The following CPQ variants were observed in gnomAD, a reference collection of about 807,000 sequenced individuals.
The protein encoded by CPQ is carboxypeptidase Q.
In CPQ, 37 loss-of-function variants were observed where a neutral mutation model predicts 45.7. The observed-to-expected ratio is 0.81, with a 90% CI of 0.62 to 1.07. CPQ has a LOEUF of 1.07. Ranked by LOEUF, CPQ falls within the 50% of genes least tolerant of loss-of-function variation. The probability of loss-of-function intolerance (pLI) is 0.00; values close to 1 mark genes in which losing one functional copy is unlikely to be tolerated. For missense variants in CPQ, 537 were observed against 572.9 expected (o/e 0.94, Z 0.64); for synonymous variants, 186 against 205.8 (o/e 0.90, Z 0.82).
chr8:96,726,707 C>A (rs1385151782), intron 1 of CPQ, among the ~76,000 whole-genome samples: 1 of 152,092 alleles, frequency 6.6e-6, no homozygotes, highest in Non-Finnish European at 1.5e-5. Context: ...CCAACAATAG[C>A]GATTACAACT....
intron 1 of CPQ, among the ~76,000 whole-genome samples, chr8:96,675,570 G>A (rs1809067388): frequency 6.6e-6 from 1 of 152,008 alleles, no homozygotes; most frequent in Non-Finnish European, 1.5e-5. Context: ...TGTATCTGCA[G>A]GATAATTTCT....
intron 5 of CPQ, among the ~76,000 whole-genome samples, chr8:96,994,552 T>C (rs1809146559): frequency 6.6e-6 from 1 of 152,118 alleles, no homozygotes; most frequent in Admixed American, 6.6e-5. Context: ...ATTTAAACCA[T>C]AACCCTGCTG....
At chr8:96,838,734 G>A (rs776864902) in intron 3 of CPQ, among the ~76,000 whole-genome samples, 2 of 151,922 alleles carry the variant, frequency 1.3e-5, no homozygotes, top group Admixed American at 6.6e-5. Context: ...AAATGTCTAC[G>A]GAAGGAATGA....
intron 5 of CPQ, among the ~76,000 whole-genome samples, chr8:96,978,078 A>G (rs952940396): frequency 1.3e-5 from 2 of 152,078 alleles, no homozygotes; most frequent in East Asian, 3.9e-4. Context: ...CTTTTTCTTT[A>G]GAGATGATCT....
Position 97,125,417 on chromosome 8 carries a change from A to G in CPQ, c.1256-17603A>G, listed in dbSNP as rs545687749. On this transcript the variant is annotated intron_variant, in intron 7 of 7. Transcript: ENST00000220763. ...AGGCGTGTATGACACTGATATCAAA[A>G]CCAAAGATATGGTAAGAAAACTATA... Among the ~76,000 whole-genome samples, 15 of 152,304 alleles carry G rather than the reference A, an allele frequency of 9.8e-5. No individual in the cohort carries two copies. The South Asian group carries it at 2.7e-3, about 27-fold the overall frequency.
At chr8:96,646,459 AGTT>A (rs1401795581) in intron 1 of CPQ, among the ~76,000 whole-genome samples, 1 of 152,150 alleles carries the variant, frequency 6.6e-6, no homozygotes, top group African/African-American at 2.4e-5. Flanking sequence ...TTGAATTCAG[AGTT>A]GTTAAGAATC....
intron 4 of CPQ, among the ~76,000 whole-genome samples, chr8:96,881,762 G>T (rs914614132): frequency 6.6e-6 from 1 of 152,220 alleles, no homozygotes; most frequent in Admixed American, 6.5e-5. Context: ...TGGTATGCAA[G>T]TAATTAACAG....
intron 4 of CPQ, among the ~76,000 whole-genome samples, chr8:96,909,370 T>C (rs1812625181): frequency 6.6e-6 from 1 of 152,106 alleles, no homozygotes; most frequent in Non-Finnish European, 1.5e-5. Context: ...GGAAATAAAA[T>C]GGAGTTAGAG....
At chr8:97,022,889 A>G (rs1586499430) in intron 5 of CPQ, among the ~76,000 whole-genome samples, 1 of 151,038 alleles carries the variant, frequency 6.6e-6, no homozygotes, top group South Asian at 2.1e-4. Context: ...CTACGTACCC[A>G]GTGGAAAAGA....
chr8:96,929,660 A>G (rs1378854765), intron 4 of CPQ, among the ~76,000 whole-genome samples: 2 of 152,166 alleles, frequency 1.3e-5, no homozygotes, highest in East Asian at 1.9e-4. Context: ...TTCTATGTCT[A>G]TCTTTACACT....
intron 5 of CPQ, among the ~76,000 whole-genome samples, chr8:97,009,271 C>T (rs1228655102): frequency 6.6e-6 from 1 of 152,202 alleles, no homozygotes; most frequent in Non-Finnish European, 1.5e-5. Flanking sequence ...AGAGCCAGGC[C>T]AGACTGACAC....
chr8:96,752,297 G>C (rs1810272842), intron 1 of CPQ, among the ~76,000 whole-genome samples: 1 of 152,064 alleles, frequency 6.6e-6, no homozygotes, highest in Admixed American at 6.6e-5. Context: ...TGTCCTCTCT[G>C]ATTTATTTGA....
At chr8:96,725,590 C>A (rs1383321127) in intron 1 of CPQ, among the ~76,000 whole-genome samples, 2 of 152,066 alleles carry the variant, frequency 1.3e-5, no homozygotes, top group African/African-American at 4.8e-5. Context: ...ATAACAGATG[C>A]TGGTGAGGCT....
At chr8:96,834,280 G>A (rs949627875) in intron 2 of CPQ, among the ~76,000 whole-genome samples, 3 of 152,178 alleles carry the variant, frequency 2.0e-5, no homozygotes, top group Non-Finnish European at 4.4e-5. Flanking sequence ...GGATTATAGC[G>A]CCATTACACA....
At chr8:97,069,078 T>G (rs1810690766) in intron 7 of CPQ, among the ~76,000 whole-genome samples, 1 of 152,210 alleles carries the variant, frequency 6.6e-6, no homozygotes, top group South Asian at 2.1e-4. Flanking sequence ...ACTACTTATA[T>G]CTTCTCACAT....
At chr8:96,889,922 G>A (rs1021249433) in intron 4 of CPQ, among the ~76,000 whole-genome samples, 3 of 152,078 alleles carry the variant, frequency 2.0e-5, no homozygotes, top group Admixed American at 6.6e-5. Context: ...ATCTCCTTTG[G>A]CAACACCCTC....
At chr8:97,124,988 CT>C (rs1811822204) in intron 7 of CPQ, among the ~76,000 whole-genome samples, 1 of 151,844 alleles carries the variant, frequency 6.6e-6, no homozygotes, top group Admixed American at 6.6e-5. Context: ...TGAAACAAAG[CT>C]ATAAAACTGA....
intron 4 of CPQ, among the ~76,000 whole-genome samples, chr8:96,919,437 G>C (rs1264391024): frequency 6.6e-6 from 1 of 152,072 alleles, no homozygotes; most frequent in Non-Finnish European, 1.5e-5. Context: ...CTGTGCTGCT[G>C]ACTCTACTAG....
intron 7 of CPQ, among the ~76,000 whole-genome samples, chr8:97,102,218 A>C (rs1237218189): frequency 6.6e-6 from 1 of 152,180 alleles, no homozygotes; most frequent in Non-Finnish European, 1.5e-5. Flanking sequence ...GGGTTTGCAA[A>C]GCCACTTCTG....
Sources: gnomAD v4.1 joint callset for allele counts (sites outside exome capture counted in the v4.1 genomes callset) on GRCh38, gnomAD v4.1.1 for gene constraint, MANE v1.5 for transcripts, NCBI Gene and HGNC (gene_info 2026-07-23, HGNC 2026-07-21) for gene names.